The following LNX2 variants were observed in gnomAD, a reference collection of about 807,000 sequenced individuals.
The protein encoded by LNX2 is ligand of numb-protein X 2.
LNX2 carries 35 observed loss-of-function variants against 66.2 expected under a neutral mutation model. The observed-to-expected ratio is 0.53, with a 90% CI of 0.40 to 0.70. The LOEUF is 0.70. Among genes scored for constraint, LNX2 ranks in the 30% least tolerant of loss-of-function variants. LNX2 has a pLI of 0.00. For missense variants in LNX2, 791 were observed against 850.8 expected, an observed-to-expected ratio of 0.93 and a Z score of 0.87; for synonymous variants, 337 against 315.6, an observed-to-expected ratio of 1.07 and a Z score of -0.72.
chr13:27,554,640 G>A (rs1566115084), intron 7 of LNX2, among the ~76,000 whole-genome samples: 1 of 152,160 alleles, frequency 6.6e-6, no homozygotes, highest in Non-Finnish European at 1.5e-5. Flanking sequence ...CTCAGCTGAT[G>A]GACATTTGAG....
intron 7 of LNX2, among the ~76,000 whole-genome samples, chr13:27,553,709 ATCATCAGTC>A (rs1482916827): frequency 1.3e-5 from 2 of 152,190 alleles, no homozygotes; most frequent in African/African-American, 4.8e-5. Context: ...GGAAGTTCGA[ATCATCAGTC>A]TGAGTTTAGC....
chr13:27,562,482 G>A lies in LNX2; in HGVS notation c.1155C>T (p.Asp385=), dbSNP rs144026511. 331 of 1,614,120 alleles carry A rather than the reference G, an allele frequency of 2.1e-4. 9 individuals are homozygous for A. The South Asian group carries it at 3.4e-3, about 17-fold the overall frequency. ...CGTGCCCATTGATGGCCAGCACTCG[G>A]TCATTGCTGCTTAGCCTGCCGTCCT... is the stretch of plus-strand genomic sequence containing the variant. ...AAQDGRLSSN[D]RVLAINGHDL... The change falls in exon 5 of 10, where the codon GAC becomes GAT. Residue 385 remains aspartate (D), a synonymous_variant. Transcript: ENST00000316334.
intron 5 of LNX2, 143 bp from the exon 6 acceptor site, chr13:27,560,128 A>T: frequency 1.8e-6 from 1 of 554,420 alleles, no homozygotes; most frequent in Non-Finnish European, 2.9e-6. Flanking sequence ...CCTGGTGGCA[A>T]GAGGAATGAG....
chr13:27,587,864 A>T (rs1955505766), intron 1 of LNX2, among the ~76,000 whole-genome samples: 3 of 152,048 alleles, frequency 2.0e-5, no homozygotes, highest in African/African-American at 7.2e-5. Context: ...TACTAAAAAT[A>T]CAAAAAATTA....
intron 2 of LNX2, among the ~76,000 whole-genome samples, chr13:27,570,056 C>G (rs1955259486): frequency 6.6e-6 from 1 of 152,130 alleles, no homozygotes; most frequent in Admixed American, 6.6e-5. Flanking sequence ...TAAATAAAGG[C>G]TCTATATAAC....
rs1954964364 is a variant in LNX2, at chr13:27,548,142, T to C, written c.*193A>G. The C allele has an allele frequency of 1.8e-6, 1 of 555,462 alleles. No homozygotes were observed. The highest frequency in any genetic ancestry group is 2.4e-5 in the South Asian group (1 of 41,300). 34.4% of individuals were successfully genotyped at this position (555,462 alleles called of 1,614,324 possible). A position where few individuals can be genotyped will look rare whatever the true frequency, so the allele number is the denominator to read the frequency against. On this transcript the variant is annotated 3_prime_UTR_variant, in exon 10 of 10. Transcript: ENST00000316334. ...TCACAAAGGTTAGTGGAAGACTGTT[T>C]CCAAGCTAAAAGAAATGTAACTAAC...
At chr13:27,613,326 G>A (rs955039094) in intron 1 of LNX2, among the ~76,000 whole-genome samples, 1 of 152,164 alleles carries the variant, frequency 6.6e-6, no homozygotes, top group Admixed American at 6.5e-5. Flanking sequence ...TTGCTGTGAG[G>A]GGGAGGGGGC....
chr13:27,570,766 C>T (rs1184581486), intron 2 of LNX2, among the ~76,000 whole-genome samples: 1 of 148,664 alleles, frequency 6.7e-6, no homozygotes, highest in Admixed American at 6.6e-5. Flanking sequence ...TTTACAAAAT[C>T]ACATCATACA....
intron 1 of LNX2, among the ~76,000 whole-genome samples, chr13:27,611,811 C>T (rs1185294637): frequency 1.3e-5 from 2 of 152,150 alleles, no homozygotes; most frequent in African/African-American, 4.8e-5. Flanking sequence ...GAACACACTG[C>T]TTTAAAATAT....
intron 1 of LNX2, among the ~76,000 whole-genome samples, chr13:27,609,986 TAATAC>T (rs948107161): frequency 5.9e-5 from 9 of 152,240 alleles, no homozygotes; most frequent in African/African-American, 2.2e-4. Flanking sequence ...AAGTATCAAT[TAATAC>T]ATCTCATCTA....
intron 2 of LNX2, among the ~76,000 whole-genome samples, chr13:27,573,523 A>G (rs1459357717): frequency 6.6e-6 from 1 of 151,924 alleles, no homozygotes; most frequent in Non-Finnish European, 1.5e-5. Flanking sequence ...CAGAATGTTT[A>G]CAAGGAAGAG....
intron 2 of LNX2, among the ~76,000 whole-genome samples, chr13:27,580,578 A>T (rs1447238103): frequency 6.6e-6 from 1 of 152,182 alleles, no homozygotes; most frequent in African/African-American, 2.4e-5. Flanking sequence ...TAGCAAAATC[A>T]AATTATAAAA....
chr13:27,552,504 T>C (rs1189553884), intron 8 of LNX2, among the ~76,000 whole-genome samples: 1 of 152,236 alleles, frequency 6.6e-6, no homozygotes, highest in Non-Finnish European at 1.5e-5. Context: ...AGCTTAGTTT[T>C]AGGATTCTTA....
rs1191555639 is a variant in LNX2, at chr13:27,569,122, C to A, written c.562G>T (p.Val188Leu). The part of the protein sequence containing the change: ...ADCLGTGAVP[V>L]ERHLTSASLS... ...GACGCTGATGTCAAGTGCCGCTCCA[C>A]AGGCACTGCGCCTGTCCCCAAACAG... The change falls in exon 3 of 10, where the codon GTG (valine) becomes TTG (leucine). Residue 188 changes from valine to leucine, a missense_variant. By Grantham distance (32) the Val-to-Leu change is conservative. Transcript: ENST00000316334. 1 of 1,613,198 alleles carries A rather than the reference C, an allele frequency of 6.2e-7. No homozygotes were observed. The highest frequency in any genetic ancestry group is 8.5e-7 in the Non-Finnish European group (1 of 1,179,694).
intron 2 of LNX2, among the ~76,000 whole-genome samples, chr13:27,571,963 T>G (rs1955286212): frequency 6.6e-6 from 1 of 152,244 alleles, no homozygotes; most frequent in African/African-American, 2.4e-5. Flanking sequence ...AACTTGAGAC[T>G]TAACCAACTA....
chr13:27,616,667 G>T (rs1248613758), intron 1 of LNX2, among the ~76,000 whole-genome samples: 1 of 152,222 alleles, frequency 6.6e-6, no homozygotes, highest in Non-Finnish European at 1.5e-5. Flanking sequence ...CATTCTAAAG[G>T]ATAGAACCTA....
At chr13:27,580,888 A>G (rs939312363) in intron 2 of LNX2, among the ~76,000 whole-genome samples, 1 of 152,182 alleles carries the variant, frequency 6.6e-6, no homozygotes, top group Non-Finnish European at 1.5e-5. Context: ...CACTGAACAT[A>G]TTTACATACA....
intron 6 of LNX2, among the ~76,000 whole-genome samples, chr13:27,557,403 A>G (rs920418229): frequency 6.6e-6 from 1 of 152,050 alleles, no homozygotes. Flanking sequence ...TAATACAAAT[A>G]GTATTTTGTA....
At chr13:27,557,289 G>A in intron 6 of LNX2, among the ~76,000 whole-genome samples, 1 of 152,026 alleles carries the variant, frequency 6.6e-6, no homozygotes, top group East Asian at 1.9e-4. Context: ...TACAGATGAT[G>A]AAACAAACTT....
Sources: allele counts gnomAD v4.1 joint callset (sites outside exome capture counted in the v4.1 genomes callset), GRCh38; gene constraint gnomAD v4.1.1; transcripts MANE v1.5; gene names NCBI Gene and HGNC (gene_info 2026-07-23, HGNC 2026-07-21).